The following FRAS1 variants were observed in gnomAD, a reference collection of about 807,000 sequenced individuals.
FRAS1 encodes the protein extracellular matrix organizing protein FRAS1.
FRAS1 carries 290 observed loss-of-function variants against 435.2 expected under a neutral mutation model. That is an observed-to-expected ratio of 0.67 (90% confidence interval 0.61 to 0.73). The LOEUF (loss-of-function observed/expected upper bound fraction) is 0.73. Ranked by LOEUF, FRAS1 falls within the 30% of genes least tolerant of loss-of-function variation. FRAS1 has a pLI of 0.00. For synonymous variants in FRAS1, 1,800 were observed against 1,851.0 expected (o/e 0.97, Z 0.71); for missense variants, 4,860 against 5,001.5 (o/e 0.97, Z 0.85).
chr4:78,358,219 A>C (rs530253521), intron 20 of FRAS1, among the ~76,000 whole-genome samples: 1 of 152,306 alleles, frequency 6.6e-6, no homozygotes, highest in South Asian at 2.1e-4. Context: ...AACTCTTTTC[A>C]TACTTAACCT....
At chr4:78,195,480 C>T (rs1578178871) in intron 2 of FRAS1, among the ~76,000 whole-genome samples, 2 of 152,358 alleles carry the variant, frequency 1.3e-5, no homozygotes, top group Middle Eastern at 3.4e-3. Flanking sequence ...GGCGGGCGCC[C>T]CTCCTCCAGC....
rs184079806 is a variant in FRAS1, at chr4:78,115,701, C to A, written c.108+49685C>A. Among the ~76,000 whole-genome samples the A allele has an allele frequency of 1.8e-3, 268 of 152,162 alleles. 1 individual carries two copies. Among genetic ancestry groups the A allele is most frequent in the African/African-American group, 6.2e-3 (257 of 41,526 alleles). On this transcript the variant is annotated intron_variant, in intron 2 of 73. Coordinates refer to ENST00000512123, the MANE Select transcript of FRAS1 (RefSeq NM_025074.7). Reference sequence around the variant, plus strand: ...TCCACTTTTTCATTTTTTATTGCATCTATTTGATTCTTCTCTCTTTTCTTC... The same window carrying A: ...TCCACTTTTTCATTTTTTATTGCATATATTTGATTCTTCTCTCTTTTCTTC...
At chr4:78,176,680 C>T (rs1186625765) in intron 2 of FRAS1, among the ~76,000 whole-genome samples, 1 of 152,198 alleles carries the variant, frequency 6.6e-6, no homozygotes, top group Non-Finnish European at 1.5e-5. Flanking sequence ...ACCTATGAAG[C>T]TTACAGTGTG....
chr4:78,173,580 A>G (rs1344086959), intron 2 of FRAS1, among the ~76,000 whole-genome samples: 1 of 152,208 alleles, frequency 6.6e-6, no homozygotes, highest in Non-Finnish European at 1.5e-5. Flanking sequence ...CATGAGAGGC[A>G]TCTTGGAATT....
intron 26 of FRAS1, 142 bp downstream of exon 26, chr4:78,376,021 A>ACTCCTT: frequency 1.1e-6 from 1 of 887,430 alleles, no homozygotes; most frequent in Non-Finnish European, 1.8e-6. Flanking sequence ...ACTAAGGAGT[A>ACTCCTT]AGGGACTCTT....
At chr4:78,452,421 C>T (rs1433668141) in intron 47 of FRAS1, 67 bp downstream of exon 47, 1 of 1,199,132 alleles carries the variant, frequency 8.3e-7, no homozygotes, top group African/African-American at 1.6e-5. Flanking sequence ...AGGGCAGCCA[C>T]ATCATGTATC....
rs769934453 is a variant in FRAS1, at chr4:78,472,274, A to G, written c.7466A>G (p.His2489Arg). The G allele has an allele frequency of 3.1e-6, 5 of 1,613,228 alleles. No individual in the cohort carries two copies. In the East Asian group the frequency reaches 8.9e-5, roughly 29 times the overall value. ...LVYEITTGPK[H>R]GFVENKLQPG... ...TATGAGATAACGACGGGCCCTAAGCATGGCTTTGTGGAGAACAAGCTGCAG... is the reference window on the plus strand; with the variant it reads ...TATGAGATAACGACGGGCCCTAAGCGTGGCTTTGTGGAGAACAAGCTGCAG... Residue 2489 changes from histidine to arginine, a missense_variant, in exon 52 of 74, where the codon CAT becomes CGT. Coordinates refer to ENST00000512123, the MANE Select transcript of FRAS1 (RefSeq NM_025074.7).
intron 56 of FRAS1, among the ~76,000 whole-genome samples, chr4:78,480,886 G>A (rs1015293880): frequency 1.2e-4 from 18 of 152,210 alleles, no homozygotes; most frequent in African/African-American, 4.1e-4. Context: ...ACCGAATGCC[G>A]GGCACCATAC....
intron 71 of FRAS1, among the ~76,000 whole-genome samples, chr4:78,536,110 A>G (rs773548099): frequency 6.6e-6 from 1 of 151,610 alleles, no homozygotes; most frequent in Non-Finnish European, 1.5e-5. Flanking sequence ...GCATGTAAAG[A>G]GCTTGGTGCC....
rs901531299 is a variant in FRAS1, at chr4:78,491,839, A to G, written c.8958+2759A>G. Among the ~76,000 whole-genome samples the G allele has an allele frequency of 2.0e-5, 3 of 152,204 alleles. No homozygotes were observed. The East Asian group carries it at 5.8e-4, about 29-fold the overall frequency. ...AGAGAAAGAAATAAACGTTTATTCA[A>G]ATAGGAAGAGAGGAAGTCAAATTGT... On this transcript the variant is annotated intron_variant, in intron 59 of 73. Coordinates refer to ENST00000512123, the MANE Select transcript of FRAS1 (RefSeq NM_025074.7).
intron 59 of FRAS1, among the ~76,000 whole-genome samples, chr4:78,496,569 A>G (rs1720512157): frequency 6.6e-6 from 1 of 152,208 alleles, no homozygotes; most frequent in Non-Finnish European, 1.5e-5. Context: ...ATAATTCATC[A>G]CCAATAATTA....
intron 16 of FRAS1, among the ~76,000 whole-genome samples, chr4:78,316,592 C>T (rs1311435165): frequency 2.0e-5 from 3 of 152,144 alleles, no homozygotes; most frequent in Admixed American, 2.0e-4. Context: ...CACTCCTGAC[C>T]CCAGCCCTGC....
chr4:78,150,052 C>A (rs375176611), intron 2 of FRAS1, among the ~76,000 whole-genome samples: 1 of 152,284 alleles, frequency 6.6e-6, no homozygotes, highest in East Asian at 1.9e-4. Flanking sequence ...AGATACTGCA[C>A]TGTCAGAATT....
At chr4:78,528,324 T>C (rs1231076006) in intron 70 of FRAS1, among the ~76,000 whole-genome samples, 1 of 152,170 alleles carries the variant, frequency 6.6e-6, no homozygotes, top group Non-Finnish European at 1.5e-5. Context: ...ATGTATACAC[T>C]TGTGAAACAT....
chr4:78,179,471 C>A (rs906060182), intron 2 of FRAS1, among the ~76,000 whole-genome samples: 7 of 152,266 alleles, frequency 4.6e-5, no homozygotes, highest in African/African-American at 1.4e-4. Context: ...GGAAGTGTTT[C>A]ATTAAAAATG....
intron 2 of FRAS1, among the ~76,000 whole-genome samples, chr4:78,087,814 T>C (rs1407457264): frequency 6.6e-6 from 1 of 152,136 alleles, no homozygotes; most frequent in Non-Finnish European, 1.5e-5. Context: ...TGCTCATGGG[T>C]AGGAAGAATC....
chr4:78,067,848 C>T (rs1267624218), intron 2 of FRAS1, among the ~76,000 whole-genome samples: 3 of 147,446 alleles, frequency 2.0e-5, no homozygotes, highest in Non-Finnish European at 3.0e-5. Context: ...TGCACACCAC[C>T]ACACCCAGCC....
rs187660706 is a variant in FRAS1, at chr4:78,202,508, T to C, written c.109-35002T>C. Among the ~76,000 whole-genome samples, 249 of 152,236 alleles carry C rather than the reference T, an allele frequency of 1.6e-3. 1 individual carries two copies. The highest frequency in any genetic ancestry group is 5.7e-3 in the African/African-American group (237 of 41,536). On this transcript the variant is annotated intron_variant, in intron 2 of 73. Transcript: ENST00000512123. ...GAGTTCGAGACCAGCCTGAGCAACA[T>C]GGTGAAACCCCATCTCTACTAAAAA...
rs373649387 is a variant in FRAS1, at chr4:78,472,236, C to G, written c.7428C>G (p.Asp2476Glu). ...TGACCATGGACCCAGACACCGAGGACGCGCAGCTTGTCTATGAGATAACGA... is the reference window on the plus strand; with the variant it reads ...TGACCATGGACCCAGACACCGAGGAGGCGCAGCTTGTCTATGAGATAACGA... ...ELLTMDPDTE[D>E]AQLVYEITTG... Residue 2476 changes from aspartate (D) to glutamate (E), a missense_variant, in exon 52 of 74, where the codon GAC becomes GAG. Asp to Glu is a conservative substitution (Grantham distance 45, BLOSUM62 2). Transcript: ENST00000512123. The G allele has an allele frequency of 9.3e-6, 15 of 1,613,784 alleles. No individual in the cohort carries two copies. Among genetic ancestry groups the G allele is most frequent in the Admixed American group, 1.7e-5 (1 of 60,004 alleles).
Sources: allele counts gnomAD v4.1 joint callset (sites outside exome capture counted in the v4.1 genomes callset), GRCh38; gene constraint gnomAD v4.1.1; transcripts MANE v1.5; gene names NCBI Gene and HGNC (gene_info 2026-07-23, HGNC 2026-07-21).